Variants in PXDNL observed in about 807,000 individuals in gnomAD.
PXDNL encodes peroxidasin like, also known as probable oxidoreductase PXDNL.
A neutral mutation model predicts 150.8 loss-of-function variants in PXDNL; 145 were observed. The ratio of observed to expected loss-of-function variants is 0.96; its 90% confidence interval spans 0.84 to 1.10. The LOEUF (loss-of-function observed/expected upper bound fraction) is 1.10. Among genes scored for constraint, PXDNL ranks in the 50% least tolerant of loss-of-function variants. PXDNL has a pLI of 0.00. For missense variants in PXDNL, 2,087 were observed against 1,873.9 expected (o/e 1.11, Z -2.10); for synonymous variants, 757 against 725.7 (o/e 1.04, Z -0.69).
intron 5 of PXDNL, among the ~76,000 whole-genome samples, chr8:51,499,217 C>A (rs1321141415): frequency 6.6e-6 from 1 of 152,178 alleles, no homozygotes; most frequent in Non-Finnish European, 1.5e-5. Context: ...GCAACCTACG[C>A]CTCCCGGACT....
intron 19 of PXDNL, among the ~76,000 whole-genome samples, chr8:51,347,638 A>G (rs1806198105): frequency 6.6e-6 from 1 of 152,236 alleles, no homozygotes; most frequent in African/African-American, 2.4e-5. Context: ...ATATTGTTGT[A>G]TATTACCATA....
intron 2 of PXDNL, among the ~76,000 whole-genome samples, chr8:51,608,034 AAAGAAAGAAAGAAAGAAAGAAAGC>A (rs1813889717): frequency 2.6e-5 from 3 of 113,872 alleles, no homozygotes; most frequent in East Asian, 2.3e-4. Context: ...AGAAAGAAAG[AAAGAAAGAAAGAAAGAAAGAAAGC>A]AAGCAAGCAA....
At chr8:51,344,804 G>T (rs1806093718) in intron 20 of PXDNL, among the ~76,000 whole-genome samples, 1 of 152,184 alleles carries the variant, frequency 6.6e-6, no homozygotes, top group South Asian at 2.1e-4. Context: ...ATCCTGTAAA[G>T]TAGGTATTAC....
In PXDNL at chr8:51,418,505, C is replaced by T. The variant is rs185521138; in HGVS notation, c.1795+5070G>A. Among the ~76,000 whole-genome samples, 4 of 152,236 alleles carry T rather than the reference C, an allele frequency of 2.6e-5. No individual in the cohort carries two copies. In the East Asian group the frequency reaches 5.8e-4, roughly 22 times the overall value. ...TGGCTTAGAAATTGATGTTTGTCTA[C>T]CCCATGACAAATATTGGGATTAAAA... On this transcript the variant is annotated intron_variant, in intron 14 of 22. Coordinates refer to ENST00000356297, the MANE Select transcript of PXDNL (RefSeq NM_144651.5).
At chr8:51,536,624 A>G (rs1341020748) in intron 4 of PXDNL, among the ~76,000 whole-genome samples, 1 of 121,162 alleles carries the variant, frequency 8.3e-6, no homozygotes, top group Non-Finnish European at 1.6e-5. Flanking sequence ...CAAGTCTTTC[A>G]GTTTTTTTTT....
intron 5 of PXDNL, among the ~76,000 whole-genome samples, chr8:51,486,772 A>T (rs1471589959): frequency 1.3e-4 from 1 of 7,994 alleles, no homozygotes; most frequent in Admixed American, 1.9e-3. Context: ...ATATATATAT[A>T]TATATATATA....
At chr8:51,654,219 A>G (rs1815102619) in intron 2 of PXDNL, among the ~76,000 whole-genome samples, 1 of 152,204 alleles carries the variant, frequency 6.6e-6, no homozygotes, top group Admixed American at 6.5e-5. Context: ...TTTTCTCTAC[A>G]TGATATGTTT....
intron 2 of PXDNL, among the ~76,000 whole-genome samples, chr8:51,618,158 C>A (rs1814170068): frequency 1.3e-5 from 2 of 152,220 alleles, no homozygotes; most frequent in African/African-American, 4.8e-5. Context: ...CTCCAGATGG[C>A]AACAGCAGGA....
intron 20 of PXDNL, among the ~76,000 whole-genome samples, chr8:51,342,341 TTTAG>T (rs1806011886): frequency 1.3e-5 from 2 of 151,992 alleles, no homozygotes; most frequent in African/African-American, 4.8e-5. Context: ...TATTTATATT[TTTAG>T]TTTATTATTT....
chr8:51,375,580 C>T (rs569415893), intron 17 of PXDNL, among the ~76,000 whole-genome samples: 5 of 152,310 alleles, frequency 3.3e-5, no homozygotes, highest in African/African-American at 9.6e-5. Context: ...GTTTACTTGG[C>T]GATGCAATTG....
intron 14 of PXDNL, among the ~76,000 whole-genome samples, chr8:51,419,473 T>G (rs1563404184): frequency 6.6e-6 from 1 of 152,238 alleles, no homozygotes; most frequent in Non-Finnish European, 1.5e-5. Context: ...CAGGTCCATC[T>G]TTTTAAAAAA....
chr8:51,675,932 G>A (rs563149608), intron 1 of PXDNL, among the ~76,000 whole-genome samples: 8 of 152,144 alleles, frequency 5.3e-5, no homozygotes, highest in African/African-American at 1.7e-4. Context: ...TAAAAGTCAC[G>A]TATATAGATT....
chr8:51,476,270 G>A (rs139484040), intron 6 of PXDNL, among the ~76,000 whole-genome samples: 4 of 152,320 alleles, frequency 2.6e-5, no homozygotes, highest in East Asian at 1.9e-4. Flanking sequence ...TAAATGTGAC[G>A]TGTGATCCAC....
At chr8:51,505,942 C>T (rs1490141315) in intron 4 of PXDNL, among the ~76,000 whole-genome samples, 1 of 152,144 alleles carries the variant, frequency 6.6e-6, no homozygotes, top group Non-Finnish European at 1.5e-5. Context: ...TCTATTACAC[C>T]AACAAATTAT....
Position 51,374,736 on chromosome 8 carries a change from A to G in PXDNL, c.3558-5T>C. 2 of 1,613,678 alleles carry G rather than the reference A, an allele frequency of 1.2e-6. No homozygotes were observed. The highest frequency in any genetic ancestry group is 1.7e-6 in the Non-Finnish European group (2 of 1,179,728). On this transcript the variant is annotated splice_region_variant and splice_polypyrimidine_tract_variant and intron_variant, in intron 17 of 22. Coordinates refer to ENST00000356297, the MANE Select transcript of PXDNL (RefSeq NM_144651.5). ...TCACCTGGAGAGCCGTACAACCTGG[A>G]ACAGAGACAGGCAGACAGCGCACAC...
intron 1 of PXDNL, among the ~76,000 whole-genome samples, chr8:51,714,410 G>A (rs1176460774): frequency 6.6e-6 from 1 of 152,098 alleles, no homozygotes; most frequent in African/African-American, 2.4e-5. Context: ...GGCCATATAA[G>A]TACATCTAGA....
intron 4 of PXDNL, among the ~76,000 whole-genome samples, chr8:51,513,323 C>T (rs182952200): frequency 6.6e-6 from 1 of 152,324 alleles, no homozygotes; most frequent in Non-Finnish European, 1.5e-5. Context: ...AAGAGGTCAG[C>T]ACTGACATGC....
chr8:51,507,694 G>C (rs1349048687), intron 4 of PXDNL, among the ~76,000 whole-genome samples: 1 of 152,188 alleles, frequency 6.6e-6, no homozygotes, highest in East Asian at 1.9e-4. Flanking sequence ...GGATGATTTT[G>C]TTTTGTCCCC....
intron 2 of PXDNL, among the ~76,000 whole-genome samples, chr8:51,598,081 T>C (rs1293064283): frequency 1.3e-5 from 2 of 152,168 alleles, no homozygotes; most frequent in Non-Finnish European, 2.9e-5. Context: ...TACTACTACT[T>C]TTTGTATGTT....
Sources: gnomAD v4.1 joint callset for allele counts (sites outside exome capture counted in the v4.1 genomes callset) on GRCh38, gnomAD v4.1.1 for gene constraint, MANE v1.5 for transcripts, NCBI Gene and HGNC (gene_info 2026-07-23, HGNC 2026-07-21) for gene names.